TENM2: variants seen among roughly 807,000 people sequenced by gnomAD.
The protein encoded by TENM2 is teneurin transmembrane protein 2.
A neutral mutation model predicts 245.2 loss-of-function variants in TENM2; 52 were observed. The ratio of observed to expected loss-of-function variants is 0.21; its 90% CI spans 0.17 to 0.27. The LOEUF is 0.27. TENM2 is among the 10% of genes least tolerant of loss of function. The probability of loss-of-function intolerance (pLI) is 1.00; values close to 1 mark genes in which losing one functional copy is unlikely to be tolerated. For synonymous variants in TENM2, 1,363 were observed against 1,438.9 expected (o/e 0.95, Z 1.19); for missense variants, 3,046 against 3,666.8 (o/e 0.83, Z 4.37).
Position 167,340,671 on chromosome 5 carries a change from C to A in TENM2, c.227-34527C>A, listed in dbSNP as rs1758042355. On this transcript the variant is annotated intron_variant, in intron 1 of 28. Coordinates refer to ENST00000518659, the Ensembl canonical transcript of TENM2. ...CAGCTTATACATTTTGGTGGGACAC[C>A]ATTCAGTCCATGATATATTTTTTAT... 3.3e-5 allele frequency among the ~76,000 whole-genome samples: 5 copies of A among 152,284 alleles called. No individual in the cohort carries two copies. In the South Asian group the frequency reaches 8.3e-4, roughly 25 times the overall value.
intron 25 of TENM2, among the ~76,000 whole-genome samples, chr5:168,239,667 C>G (rs1765913245): frequency 6.6e-6 from 1 of 152,106 alleles, no homozygotes; most frequent in Admixed American, 6.5e-5. Context: ...ATCTAAGCAC[C>G]CTCACACACT....
At chr5:168,163,474 CAT>C (rs1393853095) in intron 13 of TENM2, among the ~76,000 whole-genome samples, 1 of 152,168 alleles carries the variant, frequency 6.6e-6, no homozygotes, top group African/African-American at 2.4e-5. Flanking sequence ...GTATAATTGA[CAT>C]ATAAAAAGTT....
the TENM2 span, among the ~76,000 whole-genome samples, chr5:167,270,536 T>G: frequency 6.6e-6 from 1 of 152,122 alleles, no homozygotes; most frequent in Non-Finnish European, 1.5e-5. Context: ...GATCTCTCTC[T>G]CCTGTATCCA....
At position 167,758,154 on chromosome 5, in the gene TENM2, G is replaced by C. The variant is rs73386483; in HGVS notation, c.503-117832G>C. On this transcript the variant is annotated intron_variant, in intron 2 of 28. Transcript: ENST00000518659. ...GAGGGTGGGTTCATAAAACCTCACA[G>C]TGTCAGAGTTGGAAGGCAGTCTAAA... 4.0e-3 allele frequency among the ~76,000 whole-genome samples: 615 copies of C among 152,302 alleles called. 3 individuals carry two copies. The highest frequency in any genetic ancestry group is 0.014 in the African/African-American group (585 of 41,562).
At chr5:167,972,855 C>A (rs559453068) in intron 4 of TENM2, among the ~76,000 whole-genome samples, 27 of 152,090 alleles carry the variant, frequency 1.8e-4, no homozygotes, top group African/African-American at 6.3e-4. Flanking sequence ...TTCTTAATGC[C>A]AGATATAGTA....
chr5:167,087,367 G>A, the TENM2 span, among the ~76,000 whole-genome samples: 6 of 152,156 alleles, frequency 3.9e-5, no homozygotes, highest in African/African-American at 1.4e-4. Context: ...TTCACAAGAC[G>A]GGTGGCCATA....
chr5:167,615,856 A>G (rs915025974), intron 2 of TENM2, among the ~76,000 whole-genome samples: 1 of 152,042 alleles, frequency 6.6e-6, no homozygotes, highest in Non-Finnish European at 1.5e-5. Context: ...CTGTTAATCC[A>G]TTTCTACTTT....
intron 2 of TENM2, among the ~76,000 whole-genome samples, chr5:167,482,070 A>G (rs1027020246): frequency 6.6e-6 from 1 of 152,188 alleles, no homozygotes; most frequent in Admixed American, 6.5e-5. Context: ...GTTATCTTTC[A>G]AAAATGTAAT....
Position 168,218,673 on chromosome 5 carries a change from T to C in TENM2, c.4782T>C (p.Tyr1594=), listed in dbSNP as rs776497365. ...CATCCCCCGGAGAGCAGGAGTTATA[T>C]GTTTTCAACGCTGATGGCATCCACC... Residue 1594 remains tyrosine (Y), a synonymous_variant, in exon 23 of 29, where the codon TAT becomes TAC. Transcript: ENST00000518659. This position sits in a 1 kb window ranked among gnomAD's most constrained non-coding sequence, Gnocchi z 5.2. The C allele has an allele frequency of 2.5e-6, 4 of 1,613,910 alleles. No homozygotes were observed. In the African/African-American group the frequency reaches 4.0e-5, roughly 16 times the overall value.
At position 168,104,004 on chromosome 5, in the gene TENM2, GT is replaced by G. The variant is rs1794038724; in HGVS notation, c.1813+5880del. 1.8e-4 allele frequency among the ~76,000 whole-genome samples: 8 copies of G among 43,370 alleles called. No homozygotes were observed. The Admixed American group carries it at 2.6e-3, about 14-fold the overall frequency. The allele number at this position is 43,370 out of a possible 152,430, so 28.5% of individuals were successfully genotyped here. On this transcript the variant is annotated intron_variant, in intron 9 of 28. Coordinates refer to ENST00000518659, the Ensembl canonical transcript of TENM2. ...GATCGGTGTCCTTCTTTCTTTTCTGGTTTGTTTGTTTGTTTGTTTGTTTGTT... is the reference window on the plus strand; with the variant it reads ...GATCGGTGTCCTTCTTTCTTTTCTGGTTGTTTGTTTGTTTGTTTGTTTGTT...
the TENM2 span, among the ~76,000 whole-genome samples, chr5:167,069,071 A>G: frequency 6.6e-6 from 1 of 152,206 alleles, no homozygotes; most frequent in Non-Finnish European, 1.5e-5. Flanking sequence ...TTCATTAGAA[A>G]GAAGTCAACT....
chr5:167,395,100 C>A (rs1015330471), intron 2 of TENM2, among the ~76,000 whole-genome samples: 2 of 151,472 alleles, frequency 1.3e-5, no homozygotes, highest in African/African-American at 4.9e-5. Flanking sequence ...GACATTTTAA[C>A]AACATTAAGT....
chr5:167,370,844 G>T (rs548274282), intron 1 of TENM2, among the ~76,000 whole-genome samples: 80 of 152,182 alleles, frequency 5.3e-4, no homozygotes, highest in Non-Finnish European at 9.3e-4. Context: ...CTTTCCACTA[G>T]AAATCTTAGC....
At chr5:168,127,586 T>C (rs967566403) in intron 12 of TENM2, among the ~76,000 whole-genome samples, 1 of 152,212 alleles carries the variant, frequency 6.6e-6, no homozygotes, top group Non-Finnish European at 1.5e-5. Context: ...TTGGAGTTTC[T>C]TCATTTTTAT....
At chr5:167,424,748 A>G (rs911843681) in intron 2 of TENM2, among the ~76,000 whole-genome samples, 4 of 152,178 alleles carry the variant, frequency 2.6e-5, no homozygotes, top group Non-Finnish European at 5.9e-5. Flanking sequence ...CGTGAAAAAA[A>G]AAATCTTCTG....
At chr5:167,202,020 G>A in the TENM2 span, among the ~76,000 whole-genome samples, 1 of 152,102 alleles carries the variant, frequency 6.6e-6, no homozygotes, top group African/African-American at 2.4e-5. Flanking sequence ...GCACCAAGAG[G>A]TGCCCCCTTG....
At chr5:167,931,874 A>T (rs1416951233) in intron 3 of TENM2, among the ~76,000 whole-genome samples, 1 of 152,206 alleles carries the variant, frequency 6.6e-6, no homozygotes, top group Non-Finnish European at 1.5e-5. Context: ...CGTTGCAGAG[A>T]TGAAATCTGC....
chr5:167,655,055 G>A (rs2150303283), intron 2 of TENM2, among the ~76,000 whole-genome samples: 2 of 152,246 alleles, frequency 1.3e-5, no homozygotes, highest in South Asian at 4.1e-4. Context: ...AATTGTGTTA[G>A]TTATTTAAGA....
chr5:167,920,880 T>C (rs1777318596), intron 3 of TENM2, among the ~76,000 whole-genome samples: 1 of 152,194 alleles, frequency 6.6e-6, no homozygotes, highest in African/African-American at 2.4e-5. Flanking sequence ...AATGAACACC[T>C]GACATATTTT....
Sources: gnomAD v4.1 joint callset for allele counts (sites outside exome capture counted in the v4.1 genomes callset) on GRCh38, gnomAD v4.1.1 for gene constraint, Gnocchi (gnomAD v3.1) non-coding constraint, MANE v1.5 for transcripts, NCBI Gene and HGNC (gene_info 2026-07-23, HGNC 2026-07-21) for gene names.